The following MAST4 variants were observed in gnomAD, a reference collection of about 807,000 sequenced individuals.
The protein encoded by MAST4 is microtubule-associated serine/threonine-protein kinase 4.
MAST4 carries 89 observed loss-of-function variants against 162.7 expected under a neutral mutation model. The observed-to-expected ratio is 0.55, with a 90% CI of 0.46 to 0.65. MAST4 has a LOEUF of 0.65. Ranked by LOEUF, MAST4 falls within the 30% of genes least tolerant of loss-of-function variation. The probability of loss-of-function intolerance (pLI) is 0.00; values close to 1 mark genes in which losing one functional copy is unlikely to be tolerated. For missense variants in MAST4, 3,153 were observed against 3,374.0 expected (o/e 0.93, Z 1.62); for synonymous variants, 1,479 against 1,361.1 (o/e 1.09, Z -1.91).
chr5:66,885,716 C>T (rs1000631693), intron 3 of MAST4, among the ~76,000 whole-genome samples: 1 of 152,110 alleles, frequency 6.6e-6, no homozygotes, highest in African/African-American at 2.4e-5. Flanking sequence ...AATAGATTCT[C>T]TAAGTTTTCA....
intron 5 of MAST4, among the ~76,000 whole-genome samples, chr5:67,076,492 T>A (rs1761662871): frequency 1.3e-5 from 2 of 152,198 alleles, no homozygotes. Flanking sequence ...AATTTCTGTT[T>A]ATTCTCTCTG....
Position 66,851,523 on chromosome 5 carries a change from C to T in MAST4, c.643-48428C>T, listed in dbSNP as rs188132791. 3.1e-3 allele frequency among the ~76,000 whole-genome samples: 473 copies of T among 152,318 alleles called. 2 individuals carry two copies. The highest frequency in any genetic ancestry group is 0.011 in the African/African-American group (450 of 41,578). On this transcript the variant is annotated intron_variant, in intron 3 of 28. Coordinates refer to ENST00000403625, the MANE Select transcript of MAST4 (RefSeq NM_001164664.2). ...CATTCTTTTTGTGTTGGTCATTGCT[C>T]TTAAAGGACAGTTTAATTCATGTGA... is the stretch of plus-strand genomic sequence containing the variant.
chr5:67,084,384 T>A (rs909124020), intron 5 of MAST4, among the ~76,000 whole-genome samples: 10 of 152,180 alleles, frequency 6.6e-5, no homozygotes, highest in African/African-American at 9.7e-5. Context: ...ATGAAGTGAG[T>A]TTGGAGTTGG....
intron 5 of MAST4, among the ~76,000 whole-genome samples, chr5:67,066,471 A>G (rs1760245207): frequency 6.6e-6 from 1 of 151,600 alleles, no homozygotes; most frequent in East Asian, 1.9e-4. Flanking sequence ...ATGTATGATC[A>G]TAAATATAAT....
intron 1 of MAST4, among the ~76,000 whole-genome samples, chr5:66,731,369 G>A (rs924975114): frequency 6.6e-6 from 1 of 152,124 alleles, no homozygotes; most frequent in Non-Finnish European, 1.5e-5. Context: ...CACCTTTCTT[G>A]GGAGTTTGCT....
intron 3 of MAST4, among the ~76,000 whole-genome samples, chr5:66,883,334 A>C (rs1761814216): frequency 6.6e-6 from 1 of 151,894 alleles, no homozygotes. Flanking sequence ...TTGTTCAAGG[A>C]GACTAGGAAA....
chr5:66,654,348 T>C (rs182449339), intron 1 of MAST4, among the ~76,000 whole-genome samples: 18 of 152,044 alleles, frequency 1.2e-4, no homozygotes, highest in Non-Finnish European at 2.2e-4. Context: ...CCAAAAGTGG[T>C]TTGGTTCTAA....
chr5:67,103,020 G>A (rs1292920465), intron 9 of MAST4, among the ~76,000 whole-genome samples: 1 of 152,164 alleles, frequency 6.6e-6, no homozygotes, highest in African/African-American at 2.4e-5. Flanking sequence ...GAGAGTTGCT[G>A]TTGTTGTTGT....
At chr5:67,073,555 G>T (rs1761226092) in intron 5 of MAST4, among the ~76,000 whole-genome samples, 1 of 152,150 alleles carries the variant, frequency 6.6e-6, no homozygotes, top group African/African-American at 2.4e-5. Context: ...TTGATGTAAT[G>T]ACCCCAAGGT....
At chr5:66,668,060 T>C (rs1747373296) in intron 1 of MAST4, among the ~76,000 whole-genome samples, 1 of 152,204 alleles carries the variant, frequency 6.6e-6, no homozygotes, top group African/African-American at 2.4e-5. Context: ...GTTTCATGGC[T>C]TTGTACCAAA....
At chr5:66,921,398 T>C (rs1764524591) in intron 4 of MAST4, among the ~76,000 whole-genome samples, 1 of 152,192 alleles carries the variant, frequency 6.6e-6, no homozygotes. Context: ...CATTCTTAAT[T>C]TATATCAAAC....
At chr5:66,624,677 G>T (rs909992500) in intron 1 of MAST4, among the ~76,000 whole-genome samples, 1 of 152,150 alleles carries the variant, frequency 6.6e-6, no homozygotes, top group Admixed American at 6.5e-5. Context: ...CAACAGCATG[G>T]TACTGCTATA....
At chr5:66,625,372 A>C (rs1248650848) in intron 1 of MAST4, among the ~76,000 whole-genome samples, 1 of 152,228 alleles carries the variant, frequency 6.6e-6, no homozygotes, top group Non-Finnish European at 1.5e-5. Flanking sequence ...CAGCACTGTA[A>C]ATGCTGGCCT....
chr5:66,694,467 CT>C (rs990832962), intron 1 of MAST4, among the ~76,000 whole-genome samples: 5 of 151,806 alleles, frequency 3.3e-5, no homozygotes, highest in African/African-American at 1.2e-4. Context: ...TGATGTTGAG[CT>C]TTTTTTTCTT....
intron 25 of MAST4, 32 bp from the exon 26 acceptor site, chr5:67,153,426 G>A (rs1170830289): frequency 6.3e-7 from 1 of 1,587,282 alleles, no homozygotes; most frequent in Admixed American, 1.8e-5. Flanking sequence ...TCATTTGTTT[G>A]CCTACAAATA....
At chr5:66,891,057 T>C (rs1360948942) in intron 3 of MAST4, among the ~76,000 whole-genome samples, 1 of 152,184 alleles carries the variant, frequency 6.6e-6, no homozygotes, top group Non-Finnish European at 1.5e-5. Context: ...CTAAGCAAAA[T>C]CTGGGATTTT....
At chr5:66,634,596 C>A (rs1452273240) in intron 1 of MAST4, among the ~76,000 whole-genome samples, 2 of 152,138 alleles carry the variant, frequency 1.3e-5, no homozygotes, top group African/African-American at 4.8e-5. Flanking sequence ...AAAAAATGCC[C>A]CCCTTTTTGG....
At chr5:67,124,257 A>T (rs1161756104) in intron 14 of MAST4, among the ~76,000 whole-genome samples, 1 of 152,218 alleles carries the variant, frequency 6.6e-6, no homozygotes, top group African/African-American at 2.4e-5. Context: ...AGGCAGAAGC[A>T]GCCTCTTCAA....
chr5:67,125,236 C>G (rs866056714), intron 14 of MAST4, among the ~76,000 whole-genome samples: 2 of 151,694 alleles, frequency 1.3e-5, no homozygotes, highest in Middle Eastern at 3.4e-3. Flanking sequence ...TTTGAAAACA[C>G]CCTTTTTTGG....
Sources: gnomAD v4.1 joint callset for allele counts (sites outside exome capture counted in the v4.1 genomes callset) on GRCh38, gnomAD v4.1.1 for gene constraint, MANE v1.5 for transcripts, NCBI Gene and HGNC (gene_info 2026-07-23, HGNC 2026-07-21) for gene names.